The following WDR83 variants were observed in gnomAD, a reference collection of about 807,000 sequenced individuals.
The protein encoded by WDR83 is WD repeat domain-containing protein 83.
A neutral mutation model predicts 37.7 loss-of-function variants in WDR83; 37 were observed. The ratio of observed to expected loss-of-function variants is 0.98; its 90% CI spans 0.76 to 1.29. WDR83 has a LOEUF of 1.29. Among genes scored for constraint, WDR83 ranks in the 50% most tolerant of loss-of-function variants. The probability of loss-of-function intolerance (pLI) is 0.00; values close to 1 mark genes in which losing one functional copy is unlikely to be tolerated. For missense variants in WDR83, 445 were observed against 414.4 expected, an observed-to-expected ratio of 1.07 and a Z score of -0.64; for synonymous variants, 174 against 181.1, an observed-to-expected ratio of 0.96 and a Z score of 0.31.
chr19:12,671,501 A>C (rs2024416253), intron 7 of WDR83: 1 of 151,780 alleles, frequency 6.6e-6, no homozygotes, highest in African/African-American at 2.4e-5. Context: ...AAATACAAAA[A>C]ATTAGCCGGG....
At chr19:12,668,698 C>T (rs1402061062) in intron 2 of WDR83, 71 bp downstream of exon 2, 39 of 1,175,442 alleles carry the variant, frequency 3.3e-5, no homozygotes, top group Non-Finnish European at 4.6e-5. Flanking sequence ...GACACCAGAT[C>T]ATGCCCACTG....
intron 5 of WDR83, 132 bp downstream of exon 5, chr19:12,670,417 G>A (rs765078822): frequency 6.6e-7 from 1 of 1,505,696 alleles, no homozygotes; most frequent in Non-Finnish European, 9.1e-7. Flanking sequence ...CGCATGCCAG[G>A]CTAGGCAGTC....
In WDR83 at chr19:12,673,324, GC is replaced by G; in HGVS notation, c.798+13del. ...TTCTGGGACCTGGTGGAGGTGAGGT[GC>G]CCCCAGCCCTACTTCATACCTAGAT... On this transcript the variant is annotated intron_variant, in intron 10 of 10. Coordinates refer to ENST00000418543, the MANE Select transcript of WDR83 (RefSeq NM_001099737.3). 1.2e-6 allele frequency: 2 copies of G among 1,607,308 alleles called. No individual in the cohort carries two copies. Among genetic ancestry groups the G allele is most frequent in the Non-Finnish European group, 1.7e-6 (2 of 1,174,874 alleles).
At chr19:12,672,622 A>G in intron 7 of WDR83, 1 of 570,144 alleles carries the variant, frequency 1.8e-6, no homozygotes, top group South Asian at 2.0e-5. Context: ...CAAAAGGAAG[A>G]AAAGGGGGAA....
In WDR83 at chr19:12,667,002, G is replaced by T; in HGVS notation, c.-157+10G>T. On this transcript the variant is annotated intron_variant, in intron 1 of 10. Transcript: ENST00000418543. The stretch of plus-strand genomic sequence containing the variant: ...ATGCCTCTTAATGCCGGTAGGAGCA[G>T]AAGTGCTTTTCCTAAGGGGGCCGGG... The T allele has an allele frequency of 2.0e-6, 1 of 499,688 alleles. No homozygotes were observed. Among genetic ancestry groups the T allele is most frequent in the Non-Finnish European group, 3.6e-6 (1 of 279,746 alleles). 31.0% of individuals were successfully genotyped at this position (499,688 alleles called of 1,614,324 possible). A position where few individuals can be genotyped will look rare whatever the true frequency, so the allele number is the denominator to read the frequency against.
At chr19:12,669,568 C>T in intron 2 of WDR83, 187 bp from the exon 3 acceptor site, 1 of 981,852 alleles carries the variant, frequency 1.0e-6, no homozygotes, top group Non-Finnish European at 1.5e-6. Flanking sequence ...TTAGGAGAAG[C>T]CAGAAGTCTT....
At chr19:12,669,941 T>C in intron 3 of WDR83, 36 bp from the exon 4 acceptor site, 1 of 1,602,560 alleles carries the variant, frequency 6.2e-7, no homozygotes. Flanking sequence ...CCTCCTGAGA[T>C]CGACGGCCCA....
chr19:12,670,706 T>G lies in WDR83; in HGVS notation c.391T>G (p.Ser131Ala). The change falls in exon 7 of 11, where the codon TCC (serine) becomes GCC (alanine). Residue 131 changes from serine to alanine, a missense_variant. Ser to Ala is a moderately conservative substitution (Grantham distance 99). Transcript: ENST00000418543. ...TGCTGGCCTCACAGGCTCTATTGATTCCAGTATCCGCTGTTGGGATTGCCG... is the reference window on the plus strand; with the variant it reads ...TGCTGGCCTCACAGGCTCTATTGATGCCAGTATCCGCTGTTGGGATTGCCG... The part of the protein sequence containing the change: ...ATVILSGSID[S>A]SIRCWDCRSR... The G allele has an allele frequency of 6.2e-7, 1 of 1,614,150 alleles. No homozygotes were observed. Among genetic ancestry groups the G allele is most frequent in the Non-Finnish European group, 8.5e-7 (1 of 1,180,018 alleles).
In WDR83 at chr19:12,673,233, C is replaced by T. The variant is rs1445546213; in HGVS notation, c.715C>T (p.Leu239=). The T allele has an allele frequency of 2.5e-6, 4 of 1,613,906 alleles. No homozygotes were observed. In the African/African-American group the frequency reaches 5.3e-5, roughly 22 times the overall value. The change falls in exon 10 of 11, where the codon CTG becomes TTG. Residue 239 remains leucine, a synonymous_variant. Coordinates refer to ENST00000418543, the MANE Select transcript of WDR83 (RefSeq NM_001099737.3). The stretch of plus-strand genomic sequence containing the variant: ...GGGCCATAAGAACCAGGAATACAAG[C>T]TGGACTGCTGCCTGAGCGAGCGTGA... The part of the protein sequence containing the change: ...YKGHKNQEYK[L]DCCLSERDTH...
intron 10 of WDR83, 29 bp downstream of exon 10, chr19:12,673,345 C>G (rs1217844115): frequency 1.3e-6 from 2 of 1,571,892 alleles, no homozygotes. Flanking sequence ...TACTTCATAC[C>G]TAGATGCCTG....
In WDR83 at chr19:12,672,907, C is replaced by T. The variant is rs1391288345; in HGVS notation, c.567C>T (p.Tyr189=). 10 of 1,598,874 alleles carry T rather than the reference C, an allele frequency of 6.3e-6. No individual in the cohort carries two copies. Among genetic ancestry groups the T allele is most frequent in the Non-Finnish European group, 8.5e-6 (10 of 1,172,740 alleles). Residue 189 remains tyrosine (Y), a synonymous_variant, in exon 8 of 11, where the codon TAC becomes TAT. Transcript: ENST00000418543. The part of the protein sequence containing the change: ...DLRMGQLFSD[Y]VGSPITCTCF... ...GGATGGGGCAGCTCTTCTCAGACTA[C>T]GTGGGCAGTGAGTGTGGCTGGGGAT... is the stretch of plus-strand genomic sequence containing the variant.
In WDR83 at chr19:12,672,895, C is replaced by T; in HGVS notation, c.555C>T (p.Leu185=). 1 of 1,598,108 alleles carries T rather than the reference C, an allele frequency of 6.3e-7. No individual in the cohort carries two copies. The highest frequency in any genetic ancestry group is 8.5e-7 in the Non-Finnish European group (1 of 1,172,332). Residue 185 remains leucine, a synonymous_variant, in exon 8 of 11, where the codon CTC becomes CTT. Transcript: ENST00000418543. The part of the protein sequence containing the change: ...VRRYDLRMGQ[L]FSDYVGSPIT... ...GCTATGACCTAAGGATGGGGCAGCTCTTCTCAGACTACGTGGGCAGTGAGT... is the reference window on the plus strand; with the variant it reads ...GCTATGACCTAAGGATGGGGCAGCTTTTCTCAGACTACGTGGGCAGTGAGT...
At chr19:12,667,203 A>T (rs1198516209) in intron 1 of WDR83, among the ~76,000 whole-genome samples, 2 of 152,202 alleles carry the variant, frequency 1.3e-5, no homozygotes, top group East Asian at 1.9e-4. Flanking sequence ...GATGGGATCC[A>T]GCCTGGTTGA....
At chr19:12,668,851 T>C (rs1459915684) in intron 2 of WDR83, among the ~76,000 whole-genome samples, 6 of 152,154 alleles carry the variant, frequency 3.9e-5, no homozygotes, top group Admixed American at 1.3e-4. Context: ...ACATCCCACA[T>C]GCTTAAGACC....
chr19:12,672,824 G>A (rs763882368), intron 7 of WDR83, 23 bp from the exon 8 acceptor site: 29 of 1,564,152 alleles, frequency 1.9e-5, no homozygotes, highest in Admixed American at 1.5e-4. Context: ...CAAGGTTCCC[G>A]CTGGATCTAC....
intron 10 of WDR83, among the ~76,000 whole-genome samples, chr19:12,673,526 T>C (rs1377198728): frequency 6.7e-6 from 1 of 148,344 alleles, no homozygotes; most frequent in Non-Finnish European, 1.5e-5. Flanking sequence ...CAAGCGATTC[T>C]CCTGCCTCAG....
intron 5 of WDR83, 129 bp from the exon 6 acceptor site, chr19:12,670,434 C>G (rs1334140444): frequency 1.3e-6 from 2 of 1,518,846 alleles, no homozygotes; most frequent in African/African-American, 2.7e-5. Flanking sequence ...AGTCACCAAC[C>G]CCTGTCCTTG....
At chr19:12,671,224 A>AGGC (rs1191771693) in intron 7 of WDR83, 3 of 177,564 alleles carry the variant, frequency 1.7e-5, no homozygotes, top group African/African-American at 7.1e-5. Context: ...GCCACTCGGG[A>AGGC]GGCGGAGGCA....
Position 12,675,470 on chromosome 19 carries a change from A to C in WDR83, c.799-53A>C, listed in dbSNP as rs2145335306. ...ATGGGGGGTGCCCAGGGACCTCAGA[A>C]ACCAGGGTACAGCCCAGCCACAGAT... On this transcript the variant is annotated intron_variant, in intron 10 of 10. Transcript: ENST00000418543. The C allele has an allele frequency of 3.2e-6, 5 of 1,576,820 alleles. No homozygotes were observed. The South Asian group carries it at 5.6e-5, about 18-fold the overall frequency.
Sources: allele counts gnomAD v4.1 joint callset (sites outside exome capture counted in the v4.1 genomes callset), GRCh38; gene constraint gnomAD v4.1.1; transcripts MANE v1.5; gene names NCBI Gene and HGNC (gene_info 2026-07-23, HGNC 2026-07-21).